Variants in PPP4R3B observed in about 807,000 individuals in gnomAD.
PPP4R3B encodes serine/threonine-protein phosphatase 4 regulatory subunit 3B.
PPP4R3B carries 52 observed loss-of-function variants against 95.4 expected under a neutral mutation model. The observed-to-expected ratio is 0.54, with a 90% confidence interval of 0.44 to 0.69. PPP4R3B has a LOEUF of 0.69. Among genes scored for constraint, PPP4R3B ranks in the 30% least tolerant of loss-of-function variants. The pLI is 0.00. For missense variants in PPP4R3B, 1,003 were observed against 1,005.9 expected, an observed-to-expected ratio of 1.00 and a Z score of 0.04; for synonymous variants, 407 against 343.9, an observed-to-expected ratio of 1.18 and a Z score of -2.03.
rs1337936123 is a variant in PPP4R3B at position 55,548,807 on chromosome 2, A to C, written c.*1104T>G. 1 of 152,698 alleles carries C rather than the reference A, an allele frequency of 6.5e-6. No individual in the cohort carries two copies. The highest frequency in any genetic ancestry group is 1.5e-5 in the Non-Finnish European group (1 of 68,052). 9.5% of individuals were successfully genotyped at this position (152,698 alleles called of 1,614,324 possible). A position where few individuals can be genotyped will look rare whatever the true frequency, so the allele number is the denominator to read the frequency against. ...TATTTACAGTTAACTTGTTGCTCTA[A>C]AAATAAAACTTAACTGTTTGCCTCA... On this transcript the variant is annotated 3_prime_UTR_variant, in exon 17 of 17. Coordinates refer to ENST00000616407, the MANE Select transcript of PPP4R3B (RefSeq NM_001122964.3).
chr2:55,570,880 T>C (rs1022878596), intron 12 of PPP4R3B, among the ~76,000 whole-genome samples: 1 of 152,218 alleles, frequency 6.6e-6, no homozygotes, highest in African/African-American at 2.4e-5. Context: ...TGCAAAAGAC[T>C]GAAGCACTGG....
chr2:55,586,648 C>G lies in PPP4R3B; in HGVS notation c.1086G>C (p.Leu362Phe). The change falls in exon 6 of 17, where the codon TTG (leucine) becomes TTC (phenylalanine). Residue 362 changes from leucine (L) to phenylalanine (F), a missense_variant. By Grantham distance (22) the Leu-to-Phe change is conservative. Transcript: ENST00000616407. ...CAATTTCAAGAGCAGGAAGAATTCCCAATTTTGCCAATGTTTTGAAAAATG... is the reference window on the plus strand; with the variant it reads ...CAATTTCAAGAGCAGGAAGAATTCCGAATTTTGCCAATGTTTTGAAAAATG... ...RDAFFKTLAKLGILPALEIVM... is the reference protein window; with the variant it reads ...RDAFFKTLAKFGILPALEIVM... 1 of 1,607,630 alleles carries G rather than the reference C, an allele frequency of 6.2e-7. No homozygotes were observed. Among genetic ancestry groups the G allele is most frequent in the Non-Finnish European group, 8.5e-7 (1 of 1,176,812 alleles).
chr2:55,555,278 T>A (rs1183122175), intron 16 of PPP4R3B, among the ~76,000 whole-genome samples: 23 of 108,878 alleles, frequency 2.1e-4, no homozygotes, highest in Admixed American at 5.2e-4. Flanking sequence ...AGACTCCGTC[T>A]AAAAAAAAAA....
chr2:55,595,752 A>AC (rs1691683654), intron 4 of PPP4R3B, among the ~76,000 whole-genome samples: 1 of 151,764 alleles, frequency 6.6e-6, no homozygotes, highest in Non-Finnish European at 1.5e-5. Context: ...AAAAAAAAAA[A>AC]AACACAGCCT....
intron 15 of PPP4R3B, 129 bp downstream of exon 15, chr2:55,564,184 G>T: frequency 1.5e-6 from 1 of 659,892 alleles, no homozygotes; most frequent in Non-Finnish European, 2.3e-6. Flanking sequence ...AATTTTAAAA[G>T]AACACAGTTT....
At chr2:55,558,666 C>T (rs1686170245) in intron 16 of PPP4R3B, 109 bp downstream of exon 16, 1 of 777,062 alleles carries the variant, frequency 1.3e-6, no homozygotes, top group East Asian at 2.7e-5. Context: ...CAGAAAAATT[C>T]TAAACAATTC....
At chr2:55,584,921 C>A in intron 7 of PPP4R3B, 130 bp downstream of exon 7, 3 of 758,794 alleles carry the variant, frequency 4.0e-6, no homozygotes, top group Non-Finnish European at 6.3e-6. Context: ...GCCAAAGTCA[C>A]AACAAGTCAG....
At chr2:55,593,983 G>A (rs1031200652) in intron 4 of PPP4R3B, among the ~76,000 whole-genome samples, 1 of 152,258 alleles carries the variant, frequency 6.6e-6, no homozygotes, top group African/African-American at 2.4e-5. Context: ...CAAATGAAAT[G>A]TTAAAAAATA....
intron 16 of PPP4R3B, among the ~76,000 whole-genome samples, chr2:55,557,819 G>C (rs1445040981): frequency 2.0e-5 from 3 of 151,894 alleles, no homozygotes; most frequent in African/African-American, 7.3e-5. Context: ...TGGGGAAAAA[G>C]GATGATTTCA....
intron 6 of PPP4R3B, among the ~76,000 whole-genome samples, chr2:55,585,732 A>T (rs765633185): frequency 7.2e-5 from 11 of 152,220 alleles, no homozygotes; most frequent in Non-Finnish European, 1.6e-4. Context: ...TACATGACTT[A>T]TAAGTTACAA....
chr2:55,596,850 G>C (rs1412077445), intron 4 of PPP4R3B, among the ~76,000 whole-genome samples: 1 of 152,198 alleles, frequency 6.6e-6, no homozygotes, highest in African/African-American at 2.4e-5. Flanking sequence ...TGTAATCCCA[G>C]CTACTGGGGA....
intron 4 of PPP4R3B, among the ~76,000 whole-genome samples, chr2:55,596,523 G>A (rs1000270155): frequency 6.6e-6 from 1 of 152,166 alleles, no homozygotes; most frequent in Admixed American, 6.5e-5. Flanking sequence ...ATAGAATGAT[G>A]TCTTCTGTTT....
Position 55,615,506 on chromosome 2 carries a change from C to T in PPP4R3B, c.143G>A (p.Gly48Glu), listed in dbSNP as rs1694765278. Residue 48 changes from glycine (G) to glutamate (E), a missense_variant and splice_region_variant, in exon 2 of 17, where the codon GGA (glycine) becomes GAA (glutamate). By Grantham distance (98) the Gly-to-Glu change is moderately conservative. This residue lies in a region of PPP4R3B where 695 missense variants were observed against 686.2 expected (regional missense o/e 1.01). Transcript: ENST00000616407. ...MSLLVRAESD[G>E]SLLLESKINP... ...TATCTTTGATTCCAAGAGTAGTGATCCTGAAAGATAAAAAATAATACATCA... is the reference window on the plus strand; with the variant it reads ...TATCTTTGATTCCAAGAGTAGTGATTCTGAAAGATAAAAAATAATACATCA... 1 of 1,574,290 alleles carries T rather than the reference C, an allele frequency of 6.4e-7. No homozygotes were observed. The highest frequency in any genetic ancestry group is 8.6e-7 in the Non-Finnish European group (1 of 1,156,780).
At chr2:55,571,937 A>T (rs1345466274) in intron 12 of PPP4R3B, among the ~76,000 whole-genome samples, 1 of 152,230 alleles carries the variant, frequency 6.6e-6, no homozygotes, top group African/African-American at 2.4e-5. Context: ...GTACTTTTAC[A>T]TTTGGTGAAA....
At chr2:55,586,852 T>G (rs890845887) in intron 5 of PPP4R3B, 118 bp from the exon 6 acceptor site, 1 of 552,298 alleles carries the variant, frequency 1.8e-6, no homozygotes, top group African/African-American at 1.9e-5. Flanking sequence ...TTTTGGAGTA[T>G]GCTGGCTCCT....
intron 13 of PPP4R3B, 147 bp from the exon 14 acceptor site, chr2:55,565,188 CA>C: frequency 1.7e-6 from 1 of 604,338 alleles, no homozygotes; most frequent in South Asian, 2.6e-5. Context: ...TTTCTTTACA[CA>C]TGAGTCAGGA....
At chr2:55,585,479 G>T (rs2104298556) in intron 6 of PPP4R3B, among the ~76,000 whole-genome samples, 1 of 152,212 alleles carries the variant, frequency 6.6e-6, no homozygotes, top group South Asian at 2.1e-4. Flanking sequence ...ATGGGAAGGG[G>T]ATTTATTTAA....
Position 55,597,394 on chromosome 2 carries a change from G to C in PPP4R3B, c.921+1022C>G, listed in dbSNP as rs577566907. Among the ~76,000 whole-genome samples the C allele has an allele frequency of 1.6e-3, 242 of 152,104 alleles. 2 individuals are homozygous for C. In the Middle Eastern group the frequency reaches 0.024, roughly 15 times the overall value. ...TCCCAGCACTTTGGGAGGCTGAGGTGGGTGGATCACAAGGTCAGGAGATCG... is the reference window on the plus strand; with the variant it reads ...TCCCAGCACTTTGGGAGGCTGAGGTCGGTGGATCACAAGGTCAGGAGATCG... On this transcript the variant is annotated intron_variant, in intron 4 of 16. Transcript: ENST00000616407.
intron 12 of PPP4R3B, among the ~76,000 whole-genome samples, chr2:55,571,187 G>A (rs749775611): frequency 2.6e-5 from 4 of 151,974 alleles, no homozygotes; most frequent in Admixed American, 6.6e-5. Flanking sequence ...GCAGGCACTT[G>A]TAATCCCAGC....
Sources: gnomAD v4.1 joint callset for allele counts (sites outside exome capture counted in the v4.1 genomes callset) on GRCh38, gnomAD v4.1.1 for gene constraint, gnomAD v4.1.1 regional missense constraint, MANE v1.5 for transcripts, NCBI Gene and HGNC (gene_info 2026-07-23, HGNC 2026-07-21) for gene names.